The following ABCC4 variants were observed in gnomAD, a reference collection of about 807,000 sequenced individuals.
ABCC4 encodes the protein ATP-binding cassette sub-family C member 4.
In ABCC4, 102 loss-of-function variants were observed where a neutral mutation model predicts 168.5. That is an observed-to-expected ratio of 0.61 (90% CI 0.52 to 0.71). The LOEUF is 0.71. Among genes scored for constraint, ABCC4 ranks in the 30% least tolerant of loss-of-function variants. ABCC4 has a pLI of 0.00. For missense variants in ABCC4, 1,402 were observed against 1,605.8 expected (o/e 0.87, Z 2.17); for synonymous variants, 617 against 590.7 (o/e 1.04, Z -0.65).
chr13:95,174,703 G>A (rs139147784), intron 13 of ABCC4, among the ~76,000 whole-genome samples: 2 of 152,296 alleles, frequency 1.3e-5, no homozygotes, highest in East Asian at 3.9e-4. Context: ...GTCCCACCGG[G>A]AATTGTTGTT....
At chr13:95,041,745 AT>A (rs1182740047) in intron 29 of ABCC4, among the ~76,000 whole-genome samples, 2 of 152,204 alleles carry the variant, frequency 1.3e-5, no homozygotes, top group Non-Finnish European at 2.9e-5. Flanking sequence ...AATGGTATTT[AT>A]GGTGTTCCCC....
rs148097765 is a variant in ABCC4 at position 95,264,122 on chromosome 13, A to G, written c.75-16369T>C. ...AGTGTAATGGATTCAAATCTAATAAATAAAATTATTCATAAGTCCATAGTG... is the reference window on the plus strand; with the variant it reads ...AGTGTAATGGATTCAAATCTAATAAGTAAAATTATTCATAAGTCCATAGTG... On this transcript the variant is annotated intron_variant, in intron 1 of 30. Transcript: ENST00000645237. Among the ~76,000 whole-genome samples, 13 of 152,336 alleles carry G rather than the reference A, an allele frequency of 8.5e-5. No individual in the cohort carries two copies. The East Asian group carries it at 2.5e-3, about 29-fold the overall frequency.
In ABCC4 at chr13:95,186,937, A is replaced by G. The variant is rs202161319; in HGVS notation, c.1354-45T>C. 4.7e-5 allele frequency: 72 copies of G among 1,536,898 alleles called. 1 individual carries two copies. The East Asian group carries it at 1.7e-3, about 36-fold the overall frequency. ...AGCACATGTTCAGTCAACACTCGAG[A>G]CAAGAATAAGCCACTGCAATGCAGC... On this transcript the variant is annotated intron_variant, in intron 10 of 30. Transcript: ENST00000645237.
At chr13:95,271,167 G>A (rs1471617293) in intron 1 of ABCC4, among the ~76,000 whole-genome samples, 1 of 152,176 alleles carries the variant, frequency 6.6e-6, no homozygotes, top group Non-Finnish European at 1.5e-5. Flanking sequence ...TAGCCAGATG[G>A]CCTTTCTCTC....
intron 27 of ABCC4, among the ~76,000 whole-genome samples, chr13:95,045,313 C>G (rs953171167): frequency 2.6e-5 from 4 of 152,094 alleles, no homozygotes; most frequent in African/African-American, 9.7e-5. Context: ...AAGATATCAT[C>G]TTATAGGCAC....
chr13:95,187,837 C>G (rs2038117858), intron 10 of ABCC4, among the ~76,000 whole-genome samples: 1 of 152,154 alleles, frequency 6.6e-6, no homozygotes, highest in Admixed American at 6.5e-5. Flanking sequence ...ACATCTTCTA[C>G]AATGCACAGA....
chr13:95,180,448 G>A (rs538180115), intron 11 of ABCC4, among the ~76,000 whole-genome samples: 2 of 152,190 alleles, frequency 1.3e-5, no homozygotes, highest in African/African-American at 4.8e-5. Context: ...AGCTACTTGA[G>A]AGGCTAAGGC....
chr13:95,290,985 A>G, intron 1 of ABCC4, among the ~76,000 whole-genome samples: 1 of 122,086 alleles, frequency 8.2e-6, no homozygotes, highest in African/African-American at 4.4e-5. Flanking sequence ...GCGACAGAGC[A>G]AGACCCTGTC....
intron 3 of ABCC4, among the ~76,000 whole-genome samples, chr13:95,241,532 C>T (rs879415762): frequency 3.3e-5 from 5 of 152,066 alleles, no homozygotes; most frequent in African/African-American, 7.2e-5. Context: ...CTCCTGCCCC[C>T]CCTGCAGGCT....
chr13:95,297,848 TAAGTA>T lies in ABCC4; in HGVS notation c.74+3388_74+3392del, dbSNP rs150093322. On this transcript the variant is annotated intron_variant, in intron 1 of 30. Transcript: ENST00000645237. ...GGCAATATGAAGTACTTTCGAGTGA[TAAGTA>T]AATAGCTCAAGGGGGTGGGAACTAC... Among the ~76,000 whole-genome samples the T allele has an allele frequency of 7.2e-5, 11 of 152,294 alleles. No homozygotes were observed. In the East Asian group the frequency reaches 2.1e-3, roughly 29 times the overall value.
chr13:95,212,776 A>G (rs2038998006), intron 4 of ABCC4, among the ~76,000 whole-genome samples: 1 of 152,190 alleles, frequency 6.6e-6, no homozygotes, highest in African/African-American at 2.4e-5. Context: ...TGCTGAAATT[A>G]AATCAGTCAT....
chr13:95,255,220 C>T (rs764729874), intron 1 of ABCC4, among the ~76,000 whole-genome samples: 2 of 152,204 alleles, frequency 1.3e-5, no homozygotes, highest in Non-Finnish European at 2.9e-5. Flanking sequence ...CGCCAGCACA[C>T]TTCTCGTGTA....
At chr13:95,047,800 C>T (rs2032657879) in intron 27 of ABCC4, among the ~76,000 whole-genome samples, 1 of 152,116 alleles carries the variant, frequency 6.6e-6, no homozygotes, top group African/African-American at 2.4e-5. Context: ...TTTAATAATG[C>T]AGTCAGCTAG....
At chr13:95,289,487 G>C (rs986806650) in intron 1 of ABCC4, among the ~76,000 whole-genome samples, 1 of 152,114 alleles carries the variant, frequency 6.6e-6, no homozygotes, top group Non-Finnish European at 1.5e-5. Context: ...TGTAACACAA[G>C]AGCAGAGCCA....
At chr13:95,153,099 G>C (rs948718789) in intron 19 of ABCC4, among the ~76,000 whole-genome samples, 1 of 152,172 alleles carries the variant, frequency 6.6e-6, no homozygotes, top group African/African-American at 2.4e-5. Context: ...TCCAGAAACA[G>C]TGTTCTATTT....
chr13:95,084,880 C>CATAAAAACAAAAGCAAGAAGT (rs2034206985), intron 20 of ABCC4, among the ~76,000 whole-genome samples: 1 of 152,202 alleles, frequency 6.6e-6, no homozygotes, highest in Non-Finnish European at 1.5e-5. Flanking sequence ...AAGCAAGAAG[C>CATAAAAACAAAAGCAAGAAGT]ATAAAAACCC....
intron 4 of ABCC4, among the ~76,000 whole-genome samples, chr13:95,217,897 TA>T: frequency 6.6e-6 from 1 of 152,234 alleles, no homozygotes; most frequent in Non-Finnish European, 1.5e-5. Context: ...CGGATTCGGG[TA>T]CTTCCTGATC....
At chr13:95,091,209 T>C (rs1394782269) in intron 20 of ABCC4, among the ~76,000 whole-genome samples, 3 of 152,096 alleles carry the variant, frequency 2.0e-5, no homozygotes, top group African/African-American at 7.2e-5. Flanking sequence ...TTCTAAAAGC[T>C]TGGAAAACAT....
chr13:95,205,492 T>G (rs1273383343), intron 8 of ABCC4, among the ~76,000 whole-genome samples: 1 of 152,240 alleles, frequency 6.6e-6, no homozygotes, highest in Non-Finnish European at 1.5e-5. Flanking sequence ...TGCCAAGCCC[T>G]CTCACAAAGC....
Sources: gnomAD v4.1 joint callset for allele counts (sites outside exome capture counted in the v4.1 genomes callset) on GRCh38, gnomAD v4.1.1 for gene constraint, MANE v1.5 for transcripts, NCBI Gene and HGNC (gene_info 2026-07-23, HGNC 2026-07-21) for gene names.